The following SOX5 variants were observed in gnomAD, a reference collection of about 807,000 sequenced individuals.
SOX5 encodes the protein SRY-box transcription factor 5, also known as transcription factor SOX-5.
SOX5 carries 9 observed loss-of-function variants against 92.0 expected under a neutral mutation model. The ratio of observed to expected loss-of-function variants is 0.10; its 90% CI spans 0.06 to 0.17. The LOEUF (loss-of-function observed/expected upper bound fraction) is 0.17. SOX5 is among the 10% of genes least tolerant of loss of function. The pLI is 1.00. For synonymous variants in SOX5, 344 were observed against 336.3 expected, an observed-to-expected ratio of 1.02 and a Z score of -0.25; for missense variants, 642 against 944.5, an observed-to-expected ratio of 0.68 and a Z score of 4.20.
chr12:24,469,267 G>A (rs1298276680), intron 1 of SOX5, among the ~76,000 whole-genome samples: 1 of 152,142 alleles, frequency 6.6e-6, no homozygotes, highest in Non-Finnish European at 1.5e-5. Context: ...AGCTCAGATG[G>A]TAATGCAAGC....
chr12:24,325,451 C>A (rs73064409), intron 2 of SOX5, among the ~76,000 whole-genome samples: 1 of 151,910 alleles, frequency 6.6e-6, no homozygotes, highest in Non-Finnish European at 1.5e-5. Flanking sequence ...AGGGAAGAAC[C>A]GTTGAGAGAA....
intron 1 of SOX5, among the ~76,000 whole-genome samples, chr12:23,932,353 T>C (rs1198091740): frequency 6.6e-6 from 1 of 151,674 alleles, no homozygotes; most frequent in Non-Finnish European, 1.5e-5. Context: ...CTAAATGCAA[T>C]ATCTGATGCT....
intron 1 of SOX5, among the ~76,000 whole-genome samples, chr12:24,396,679 A>G (rs1960081846): frequency 6.6e-6 from 1 of 152,218 alleles, no homozygotes; most frequent in South Asian, 2.1e-4. Flanking sequence ...AAACCCCTGG[A>G]TGTGTCTTTG....
chr12:23,534,094 T>C lies in SOX5; in HGVS notation c.*125A>G. On this transcript the variant is annotated 3_prime_UTR_variant, in exon 15 of 15. Coordinates refer to ENST00000451604, the MANE Select transcript of SOX5 (RefSeq NM_006940.6). ...TCTATTAGTCAGCTGATGTCCCAAC[T>C]ATTTAAGACTAACAGTTAAAGTAAC... is the stretch of plus-strand genomic sequence containing the variant. The C allele has an allele frequency of 1.3e-6, 1 of 796,836 alleles. No homozygotes were observed. The highest frequency in any genetic ancestry group is 2.0e-6 in the Non-Finnish European group (1 of 489,138). The allele number at this position is 796,836 out of a possible 1,614,324, so 49.4% of individuals were successfully genotyped here.
At chr12:24,047,585 C>T (rs775268167) in intron 4 of SOX5, among the ~76,000 whole-genome samples, 10 of 152,192 alleles carry the variant, frequency 6.6e-5, no homozygotes, top group South Asian at 2.1e-4. Context: ...TGAAGCCCTA[C>T]GCAAATTTAT....
chr12:23,563,255 G>T lies in SOX5; in HGVS notation c.1488+3C>A. 6.2e-7 allele frequency: 1 copy of T among 1,606,818 alleles called. No individual in the cohort carries two copies. Among genetic ancestry groups the T allele is most frequent in the Non-Finnish European group, 8.5e-7 (1 of 1,176,618 alleles). On this transcript the variant is annotated splice_donor_region_variant and intron_variant, in intron 11 of 14. Transcript: ENST00000451604. ...TAGAAAGTAAGTTATTTTATGAACT[G>T]ACCTTTTCTGTTCGGCAGTTATTGA... is the stretch of plus-strand genomic sequence containing the variant.
At chr12:24,133,720 TC>T (rs1949863886) in intron 4 of SOX5, among the ~76,000 whole-genome samples, 1 of 152,092 alleles carries the variant, frequency 6.6e-6, no homozygotes, top group Non-Finnish European at 1.5e-5. Context: ...TAGGGTCCTC[TC>T]CCCGACTGGT....
intron 4 of SOX5, among the ~76,000 whole-genome samples, chr12:24,101,730 G>T (rs1946116941): frequency 6.6e-6 from 1 of 152,094 alleles, no homozygotes; most frequent in Admixed American, 6.6e-5. Flanking sequence ...TTCCAACCTG[G>T]TTCCTCCTAC....
chr12:24,011,746 G>A (rs1468996446), intron 4 of SOX5, among the ~76,000 whole-genome samples: 1 of 152,074 alleles, frequency 6.6e-6, no homozygotes, highest in African/African-American at 2.4e-5. Context: ...GTAAAGTAAT[G>A]TATCTGAAGT....
intron 8 of SOX5, among the ~76,000 whole-genome samples, chr12:23,618,061 G>A (rs1030965425): frequency 1.3e-5 from 2 of 152,126 alleles, no homozygotes; most frequent in Non-Finnish European, 1.5e-5. Flanking sequence ...TGAACACTCT[G>A]CATCTATTCC....
intron 4 of SOX5, among the ~76,000 whole-genome samples, chr12:24,111,168 G>A (rs1947307764): frequency 1.3e-5 from 2 of 151,840 alleles, no homozygotes; most frequent in African/African-American, 4.8e-5. Flanking sequence ...CCCACGGGAG[G>A]TAAAAATCAC....
intron 1 of SOX5, among the ~76,000 whole-genome samples, chr12:24,474,130 T>C (rs765342721): frequency 2.6e-5 from 4 of 152,222 alleles, no homozygotes; most frequent in Non-Finnish European, 5.9e-5. Flanking sequence ...ATCAACTAGA[T>C]ATAAGAGAAA....
intron 8 of SOX5, among the ~76,000 whole-genome samples, chr12:23,625,999 G>C (rs946642027): frequency 6.6e-6 from 1 of 152,164 alleles, no homozygotes; most frequent in African/African-American, 2.4e-5. Context: ...AAAAAGAGAG[G>C]AGGAAAGTAT....
At chr12:23,537,047 G>A (rs1435175703) in intron 13 of SOX5, among the ~76,000 whole-genome samples, 1 of 152,038 alleles carries the variant, frequency 6.6e-6, no homozygotes, top group African/African-American at 2.4e-5. Flanking sequence ...TAATTATCTA[G>A]TTATTGAATA....
At chr12:24,455,607 T>A (rs1260747310) in intron 1 of SOX5, among the ~76,000 whole-genome samples, 1 of 152,210 alleles carries the variant, frequency 6.6e-6, no homozygotes, top group Non-Finnish European at 1.5e-5. Flanking sequence ...CACCTCCAAC[T>A]ATGTGCAGAG....
At chr12:23,998,511 A>G (rs1051118274) in intron 4 of SOX5, among the ~76,000 whole-genome samples, 2 of 152,050 alleles carry the variant, frequency 1.3e-5, no homozygotes, top group African/African-American at 4.8e-5. Flanking sequence ...AGGAGGAAAA[A>G]AAGGGGCTAA....
intron 4 of SOX5, among the ~76,000 whole-genome samples, chr12:24,192,500 T>C (rs957087340): frequency 2.0e-5 from 3 of 152,248 alleles, no homozygotes; most frequent in African/African-American, 7.2e-5. Context: ...ACAATTAATG[T>C]TGGTTTTATA....
intron 4 of SOX5, among the ~76,000 whole-genome samples, chr12:24,050,252 C>G (rs992250982): frequency 1.3e-5 from 2 of 151,992 alleles, no homozygotes; most frequent in Non-Finnish European, 2.9e-5. Context: ...CATATGGTTT[C>G]AAGATTTTTA....
At chr12:24,233,414 A>G (rs1259751082) in intron 3 of SOX5, among the ~76,000 whole-genome samples, 1 of 152,216 alleles carries the variant, frequency 6.6e-6, no homozygotes, top group Non-Finnish European at 1.5e-5. Context: ...AAACACAGAA[A>G]CCATAGCTTA....
Sources: gnomAD v4.1 joint callset for allele counts (sites outside exome capture counted in the v4.1 genomes callset) on GRCh38, gnomAD v4.1.1 for gene constraint, MANE v1.5 for transcripts, NCBI Gene and HGNC (gene_info 2026-07-23, HGNC 2026-07-21) for gene names.